Variants in TRIM56 observed in about 807,000 individuals in gnomAD.
The protein encoded by TRIM56 is E3 ubiquitin-protein ligase TRIM56.
In TRIM56, 10 loss-of-function variants were observed where a neutral mutation model predicts 17.1. The observed-to-expected ratio is 0.58, with a 90% CI of 0.36 to 0.99. The LOEUF (loss-of-function observed/expected upper bound fraction) is 0.99, where lower values mean the gene tolerates loss of function less well. Among genes scored for constraint, TRIM56 ranks in the 50% least tolerant of loss-of-function variants. TRIM56 has a pLI of 0.01. For missense variants in TRIM56, 923 were observed against 1,052.3 expected, an observed-to-expected ratio of 0.88 and a Z score of 1.70; for synonymous variants, 503 against 473.5, an observed-to-expected ratio of 1.06 and a Z score of -0.81.
intron 1 of TRIM56, among the ~76,000 whole-genome samples, chr7:101,085,930 A>G (rs1421173118): frequency 1.3e-5 from 2 of 152,156 alleles, no homozygotes. Flanking sequence ...AGCTAAAAGA[A>G]CAGGACTCCA....
In TRIM56 at chr7:101,089,764, G is replaced by C. The variant is rs1432592207; in HGVS notation, c.*184G>C. On this transcript the variant is annotated 3_prime_UTR_variant, in exon 3 of 3. Coordinates refer to ENST00000306085, the MANE Select transcript of TRIM56 (RefSeq NM_030961.3). ...TGAGAATAGGGACCAAGGTGGTGGC[G>C]TGACCTTAACTCTCAGAAGCAGAGG... 3 of 587,018 alleles carry C rather than the reference G, an allele frequency of 5.1e-6. No homozygotes were observed. Among genetic ancestry groups the C allele is most frequent in the Non-Finnish European group, 6.0e-6 (2 of 330,682 alleles). The allele number at this position is 587,018 out of a possible 1,614,324, so 36.4% of individuals were successfully genotyped here.
rs763817113 is a variant in TRIM56 at position 101,089,336 on chromosome 7, G to C, written c.2024G>C (p.Gly675Ala). The C allele has an allele frequency of 6.2e-7, 1 of 1,607,404 alleles. No individual in the cohort carries two copies. Among genetic ancestry groups the C allele is most frequent in the South Asian group, 1.1e-5 (1 of 90,598 alleles). The change falls in exon 3 of 3, where the codon GGC (glycine) becomes GCC (alanine). Residue 675 changes from glycine to alanine, a missense_variant. Transcript: ENST00000306085. Reference protein sequence around the residue: ...GQVVGEYKGPGLHGCQPGSVS... With the variant: ...GQVVGEYKGPALHGCQPGSVS... ...GTGGTTGGGGAGTACAAGGGGCCAG[G>C]CCTGCATGGCTGCCAGCCGGGCTCC...
rs964267931 is a variant in TRIM56, at chr7:101,089,809, G to A, written c.*229G>A. The A allele has an allele frequency of 1.5e-4, 74 of 494,594 alleles. No individual in the cohort carries two copies. Among genetic ancestry groups the A allele is most frequent in the Middle Eastern group, 1.1e-3 (2 of 1,840 alleles). The allele number at this position is 494,594 out of a possible 1,614,324, so 30.6% of individuals were successfully genotyped here. ...CAGAGGAGGCAGGTGGGTGGAGGGG[G>A]ATGCTGGGAGTTCACCTGCCTCTTG... On this transcript the variant is annotated 3_prime_UTR_variant, in exon 3 of 3. Transcript: ENST00000306085.
rs4524722 is a variant in TRIM56, at chr7:101,088,224, C to T, written c.912C>T (p.Ala304=). The T allele has an allele frequency of 5.5e-6, 8 of 1,459,886 alleles. No homozygotes were observed. The highest frequency in any genetic ancestry group is 1.4e-5 in the South Asian group (1 of 71,134). 90.4% of individuals were successfully genotyped at this position (1,459,886 alleles called of 1,614,324 possible). A position where few individuals can be genotyped will look rare whatever the true frequency, so the allele number is the denominator to read the frequency against. The change falls in exon 3 of 3, where the codon GCC becomes GCT. Residue 304 remains alanine, a synonymous_variant. Transcript: ENST00000306085. ...ELEGREQVAR[A]AAAFARRVLS... is the part of the protein sequence containing the mutation. ...AGGGCCGGGAGCAGGTGGCCAGGGCCGCAGCCGCCTTCGCCCGCCGGGTAC... is the reference window on the plus strand; with the variant it reads ...AGGGCCGGGAGCAGGTGGCCAGGGCTGCAGCCGCCTTCGCCCGCCGGGTAC...
chr7:101,087,975 C>G lies in TRIM56; in HGVS notation c.663C>G (p.Ala221=), dbSNP rs760563210. 2.5e-6 allele frequency: 4 copies of G among 1,594,176 alleles called. No individual in the cohort carries two copies. The African/African-American group carries it at 5.3e-5, about 21-fold the overall frequency. Residue 221 remains alanine, a synonymous_variant, in exon 3 of 3, where the codon GCC becomes GCG. Coordinates refer to ENST00000306085, the MANE Select transcript of TRIM56 (RefSeq NM_030961.3). The part of the protein sequence containing the change: ...ARRPGLEGLL[A]GVDNNLVELE... Reference sequence around the variant, plus strand: ...GGCCGGGCCTGGAGGGACTGCTGGCCGGTGTGGACAATAACCTGGTGGAGC... The same window carrying G: ...GGCCGGGCCTGGAGGGACTGCTGGCGGGTGTGGACAATAACCTGGTGGAGC...
chr7:101,087,117 A>G lies in TRIM56; in HGVS notation c.-53A>G. 1.6e-6 allele frequency: 1 copy of G among 614,426 alleles called. No individual in the cohort carries two copies. The highest frequency in any genetic ancestry group is 2.9e-6 in the Non-Finnish European group (1 of 347,480). The allele number at this position is 614,426 out of a possible 1,614,324, so 38.1% of individuals were successfully genotyped here. ...GAGGAGGGCAGCTCCTTAGCTCAAG[A>G]GCAAGTGGCCCAAGGCCTCAGAAGA... On this transcript the variant is annotated 5_prime_UTR_variant, in exon 2 of 3. Transcript: ENST00000306085.
In TRIM56 at chr7:101,087,303, T is replaced by C. The variant is rs757659680; in HGVS notation, c.-1-9T>C. 6.2e-7 allele frequency: 1 copy of C among 1,608,274 alleles called. No individual in the cohort carries two copies. Among genetic ancestry groups the C allele is most frequent in the South Asian group, 1.1e-5 (1 of 90,724 alleles). On this transcript the variant is annotated splice_polypyrimidine_tract_variant and intron_variant, in intron 2 of 2. Coordinates refer to ENST00000306085, the MANE Select transcript of TRIM56 (RefSeq NM_030961.3). The stretch of plus-strand genomic sequence containing the variant: ...TTCTCAACTCTGATCCTGACGCCTC[T>C]GCCTGCAGCATGGTTTCCCACGGGT...
rs1427730484 is a variant in TRIM56, at chr7:101,097,310, C to T, written c.*7730C>T. On this transcript the variant is annotated 3_prime_UTR_variant, in exon 3 of 3. Coordinates refer to ENST00000306085, the MANE Select transcript of TRIM56 (RefSeq NM_030961.3). ...GGAGATTGGAAAGGGGTGCGGACTTCTGTATTGGGGAGAAGGTCTTGGATG... is the reference window on the plus strand; with the variant it reads ...GGAGATTGGAAAGGGGTGCGGACTTTTGTATTGGGGAGAAGGTCTTGGATG... 2.0e-5 allele frequency: 3 copies of T among 152,160 alleles called. No homozygotes were observed. Among genetic ancestry groups the T allele is most frequent in the Admixed American group, 6.6e-5 (1 of 15,266 alleles). The allele number at this position is 152,160 out of a possible 1,614,324, so 9.4% of individuals were successfully genotyped here.
Position 101,093,836 on chromosome 7 carries a change from A to G in TRIM56, c.*4256A>G, listed in dbSNP as rs535128827. 6.6e-6 allele frequency: 1 copy of G among 152,152 alleles called. No homozygotes were observed. Among genetic ancestry groups the G allele is most frequent in the African/African-American group, 2.4e-5 (1 of 41,452 alleles). 9.4% of individuals were successfully genotyped at this position (152,152 alleles called of 1,614,324 possible). A position where few individuals can be genotyped will look rare whatever the true frequency, so the allele number is the denominator to read the frequency against. On this transcript the variant is annotated 3_prime_UTR_variant, in exon 3 of 3. Transcript: ENST00000306085. ...CACAGTGAGACTCTGTCTCAAAAAA[A>G]TAATAAATAAATAATTAAATCCACT... is the stretch of plus-strand genomic sequence containing the variant.
Position 101,089,660 on chromosome 7 carries a change from C to T in TRIM56, c.*80C>T, listed in dbSNP as rs1056502913. On this transcript the variant is annotated 3_prime_UTR_variant, in exon 3 of 3. Coordinates refer to ENST00000306085, the MANE Select transcript of TRIM56 (RefSeq NM_030961.3). ...AGAGCTGTCCGTGGGAGGTGGAGGC[C>T]GAGGACATTTTCCTGAAGGGCAGGG... is the stretch of plus-strand genomic sequence containing the variant. 8.5e-5 allele frequency: 117 copies of T among 1,379,876 alleles called. No homozygotes were observed. The highest frequency in any genetic ancestry group is 3.8e-4 in the Admixed American group (15 of 39,116). The allele number at this position is 1,379,876 out of a possible 1,614,324, so 85.5% of individuals were successfully genotyped here.
rs763483549 is a variant in TRIM56 at position 101,089,206 on chromosome 7, C to T, written c.1894C>T (p.Arg632Trp). ...GTTCATTCCTGGAGGCAAGGCCAGC[C>T]GGGGCCTGCGGGCGCTGGTGTTTCT... ...TRFIPGGKAS[R>W]GLRALVFLTT... The change falls in exon 3 of 3, where the codon CGG (arginine) becomes TGG (tryptophan). Residue 632 changes from arginine (R) to tryptophan (W), a missense_variant. By Grantham distance (101) the Arg-to-Trp change is moderately radical (BLOSUM62 -3). This residue lies in a region of TRIM56 where 182 missense variants were observed against 243.1 expected (regional missense o/e 0.75). Coordinates refer to ENST00000306085, the MANE Select transcript of TRIM56 (RefSeq NM_030961.3). 1.1e-5 allele frequency: 17 copies of T among 1,613,538 alleles called. No homozygotes were observed. The highest frequency in any genetic ancestry group is 7.7e-5 in the South Asian group (7 of 91,058).
chr7:101,086,560 C>CA (rs768912765), intron 1 of TRIM56, among the ~76,000 whole-genome samples: 3,489 of 36,602 alleles, frequency 0.095, 198 homozygotes, highest in East Asian at 0.25. Flanking sequence ...GACTCTGTCT[C>CA]AAAAAAAAAA....
rs566260403 is a variant in TRIM56, at chr7:101,091,731, A to C, written c.*2151A>C. The stretch of plus-strand genomic sequence containing the variant: ...AACAAGAATGAAACTCCATCTCAAA[A>C]AAAAAGAAAAAGAAAAGAAAGAAAA... On this transcript the variant is annotated 3_prime_UTR_variant, in exon 3 of 3. Transcript: ENST00000306085. 22 of 445,450 alleles carry C rather than the reference A, an allele frequency of 4.9e-5. No homozygotes were observed. Among genetic ancestry groups the C allele is most frequent in the Non-Finnish European group, 9.3e-5 (21 of 225,136 alleles). 27.6% of individuals were successfully genotyped at this position (445,450 alleles called of 1,614,324 possible). A position where few individuals can be genotyped will look rare whatever the true frequency, so the allele number is the denominator to read the frequency against.
At position 101,087,649 on chromosome 7, in the gene TRIM56, G is replaced by A. The variant is rs1233167144; in HGVS notation, c.337G>A (p.Gly113Arg). 7.5e-6 allele frequency: 12 copies of A among 1,606,790 alleles called. 1 individual carries two copies. The highest frequency in any genetic ancestry group is 3.3e-4 in the Middle Eastern group (2 of 6,040). Reference sequence around the variant, plus strand: ...TCCCCTGGTGGGTGGCACCAGCACCGGGGGGCCGGCCACGGCCCGGTGCCT... The same window carrying A: ...TCCCCTGGTGGGTGGCACCAGCACCAGGGGGCCGGCCACGGCCCGGTGCCT... ...LCPLVGGTST[G>R]GPATARCLDC... Residue 113 changes from glycine (G) to arginine (R), a missense_variant, in exon 3 of 3, where the codon GGG (glycine) becomes AGG (arginine). Transcript: ENST00000306085.
At position 101,093,385 on chromosome 7, in the gene TRIM56, T is replaced by C. The variant is rs373393115; in HGVS notation, c.*3805T>C. The C allele has an allele frequency of 4.6e-3, 671 of 145,156 alleles. 4 individuals carry two copies. Among genetic ancestry groups the C allele is most frequent in the Middle Eastern group, 0.011 (3 of 282 alleles). 9.0% of individuals were successfully genotyped at this position (145,156 alleles called of 1,614,324 possible). On this transcript the variant is annotated 3_prime_UTR_variant, in exon 3 of 3. Coordinates refer to ENST00000306085, the MANE Select transcript of TRIM56 (RefSeq NM_030961.3). ...GAAAACCAAGAAGATGGGAAAACCATGCAGAATTGATTTGACGAGGAAAGC... is the reference window on the plus strand; with the variant it reads ...GAAAACCAAGAAGATGGGAAAACCACGCAGAATTGATTTGACGAGGAAAGC...
chr7:101,087,330 C>G lies in TRIM56; in HGVS notation c.18C>G (p.Ser6=), dbSNP rs773082972. MVSHG[S]SPSLLEALSS... is the part of the protein sequence containing the mutation. ...CCTGCAGCATGGTTTCCCACGGGTC[C>G]TCGCCCTCCCTCCTGGAGGCCCTGA... The change falls in exon 3 of 3, where the codon TCC becomes TCG. Residue 6 remains serine, a synonymous_variant. Coordinates refer to ENST00000306085, the MANE Select transcript of TRIM56 (RefSeq NM_030961.3). 3.1e-6 allele frequency: 5 copies of G among 1,612,418 alleles called. No individual in the cohort carries two copies. Among genetic ancestry groups the G allele is most frequent in the Non-Finnish European group, 1.7e-6 (2 of 1,179,600 alleles).
Position 101,087,134 on chromosome 7 carries a change from C to G in TRIM56, c.-36C>G. 3.1e-6 allele frequency: 2 copies of G among 651,928 alleles called. No individual in the cohort carries two copies. Among genetic ancestry groups the G allele is most frequent in the South Asian group, 3.8e-5 (2 of 52,288 alleles). The allele number at this position is 651,928 out of a possible 1,614,324, so 40.4% of individuals were successfully genotyped here. A position where few individuals can be genotyped will look rare whatever the true frequency, so the allele number is the denominator to read the frequency against. ...AGCTCAAGAGCAAGTGGCCCAAGGC[C>G]TCAGAAGACTAGAAGGAAGTTCCTG... On this transcript the variant is annotated 5_prime_UTR_variant, in exon 2 of 3. Transcript: ENST00000306085.
Position 101,088,976 on chromosome 7 carries a change from T to A in TRIM56, c.1664T>A (p.Val555Glu). The A allele has an allele frequency of 6.2e-7, 1 of 1,611,878 alleles. No homozygotes were observed. The highest frequency in any genetic ancestry group is 8.5e-7 in the Non-Finnish European group (1 of 1,179,978). The part of the protein sequence containing the change: ...PVPEGCSPCS[V>E]AALQSAVAFS... ...CCTGAGGGCTGCTCCCCTTGCAGCGTGGCCGCCCTGCAGAGCGCGGTGGCC... is the reference window on the plus strand; with the variant it reads ...CCTGAGGGCTGCTCCCCTTGCAGCGAGGCCGCCCTGCAGAGCGCGGTGGCC... The change falls in exon 3 of 3, where the codon GTG becomes GAG. Residue 555 changes from valine to glutamate, a missense_variant. Val to Glu is a moderately radical substitution (Grantham distance 121). This residue lies in a region of TRIM56 where 643 missense variants were observed against 665.6 expected (regional missense o/e 0.97). Coordinates refer to ENST00000306085, the MANE Select transcript of TRIM56 (RefSeq NM_030961.3).
rs1322632363 is a variant in TRIM56 at position 101,094,107 on chromosome 7, G to C, written c.*4527G>C. The C allele has an allele frequency of 6.6e-6, 1 of 152,226 alleles. No individual in the cohort carries two copies. Among genetic ancestry groups the C allele is most frequent in the African/African-American group, 2.4e-5 (1 of 41,458 alleles). 9.4% of individuals were successfully genotyped at this position (152,226 alleles called of 1,614,324 possible). A position where few individuals can be genotyped will look rare whatever the true frequency, so the allele number is the denominator to read the frequency against. ...ATATTACAGGCAAGAACTGGAAACT[G>C]TTCGGCTGCAGGGTGACAGCTAACT... On this transcript the variant is annotated 3_prime_UTR_variant, in exon 3 of 3. Transcript: ENST00000306085.
Sources: gnomAD v4.1 joint callset for allele counts (sites outside exome capture counted in the v4.1 genomes callset) on GRCh38, gnomAD v4.1.1 for gene constraint, gnomAD v4.1.1 regional missense constraint, MANE v1.5 for transcripts, NCBI Gene and HGNC (gene_info 2026-07-23, HGNC 2026-07-21) for gene names.